Variants in CTNND2 observed in about 807,000 individuals in gnomAD.
The protein encoded by CTNND2 is catenin delta 2.
Under a neutral mutation model 144.4 loss-of-function variants are expected in CTNND2, and 22 were observed. The ratio of observed to expected loss-of-function variants is 0.15; its 90% CI spans 0.11 to 0.22. The LOEUF (loss-of-function observed/expected upper bound fraction) is 0.22. CTNND2 is among the 10% of genes least tolerant of loss of function. The probability of loss-of-function intolerance (pLI) is 1.00; values close to 1 mark genes in which losing one functional copy is unlikely to be tolerated. For missense variants in CTNND2, 1,353 were observed against 1,618.8 expected (o/e 0.84, Z 2.82); for synonymous variants, 751 against 695.6 (o/e 1.08, Z -1.25).
In CTNND2 at chr5:11,687,153, T is replaced by G. The variant is rs1345427384; in HGVS notation, c.174+44983A>C. Among the ~76,000 whole-genome samples, 3 of 152,164 alleles carry G rather than the reference T, an allele frequency of 2.0e-5. No individual in the cohort carries two copies. In the East Asian group the frequency reaches 5.8e-4, roughly 29 times the overall value. On this transcript the variant is annotated intron_variant, in intron 2 of 21. Coordinates refer to ENST00000304623, the MANE Select transcript of CTNND2 (RefSeq NM_001332.4). ...AACCTCCAAACTGGCTTCCCAAACA[T>G]ACTGATTCTCTTCAATTTATTCTTC... is the stretch of plus-strand genomic sequence containing the variant.
chr5:11,394,068 C>T (rs553364658), intron 6 of CTNND2, among the ~76,000 whole-genome samples: 3 of 152,232 alleles, frequency 2.0e-5, no homozygotes, highest in South Asian at 4.2e-4. Context: ...TCCTCTTCTC[C>T]ATGTCTTTGC....
At chr5:11,015,456 C>G (rs1485527290) in intron 18 of CTNND2, among the ~76,000 whole-genome samples, 1 of 152,216 alleles carries the variant, frequency 6.6e-6, no homozygotes, top group Non-Finnish European at 1.5e-5. Context: ...CTTCTTGAAT[C>G]TCTTCAAATG....
chr5:11,073,033 T>C (rs921184007), intron 16 of CTNND2, among the ~76,000 whole-genome samples: 1 of 152,240 alleles, frequency 6.6e-6, no homozygotes, highest in East Asian at 1.9e-4. Flanking sequence ...TCCGTAATTT[T>C]TTGAGATCCA....
At position 11,387,365 on chromosome 5, in the gene CTNND2, G is replaced by A. The variant is rs559727882; in HGVS notation, c.613-2136C>T. On this transcript the variant is annotated intron_variant, in intron 6 of 21. Coordinates refer to ENST00000304623, the MANE Select transcript of CTNND2 (RefSeq NM_001332.4). ...AACCAGTACTCTGGGTGATTATGGT[G>A]CTGGTCAAAGTTTGCCAACACTGCT... 5.9e-5 allele frequency among the ~76,000 whole-genome samples: 9 copies of A among 152,244 alleles called. No homozygotes were observed. In the South Asian group the frequency reaches 1.7e-3, roughly 28 times the overall value.
At chr5:11,047,747 G>A (rs1463729237) in intron 16 of CTNND2, among the ~76,000 whole-genome samples, 1 of 152,088 alleles carries the variant, frequency 6.6e-6, no homozygotes, top group Non-Finnish European at 1.5e-5. Flanking sequence ...ATGTCATGTC[G>A]CTAGCTCCCT....
intron 2 of CTNND2, among the ~76,000 whole-genome samples, chr5:11,664,767 A>T (rs1230447021): frequency 6.6e-6 from 1 of 152,180 alleles, no homozygotes; most frequent in Non-Finnish European, 1.5e-5. Context: ...ATGGATACTT[A>T]TCAGGGAAAG....
chr5:11,620,680 T>C (rs1246771574), intron 2 of CTNND2, among the ~76,000 whole-genome samples: 1 of 152,162 alleles, frequency 6.6e-6, no homozygotes, highest in Non-Finnish European at 1.5e-5. Flanking sequence ...GCCTGAGTTA[T>C]AATAAAACTT....
chr5:11,023,122 AT>A, intron 16 of CTNND2, 143 bp from the exon 17 acceptor site: 1 of 699,164 alleles, frequency 1.4e-6, no homozygotes, highest in East Asian at 2.7e-5. Context: ...AATGTTCCCT[AT>A]TGGGTAGTTT....
chr5:11,396,678 G>A (rs61749786), intron 6 of CTNND2, among the ~76,000 whole-genome samples: 3 of 151,748 alleles, frequency 2.0e-5, no homozygotes, highest in Non-Finnish European at 4.4e-5. Flanking sequence ...TATTTTTTCC[G>A]AGTACACTCA....
chr5:11,696,217 T>G (rs1396176144), intron 2 of CTNND2, among the ~76,000 whole-genome samples: 1 of 152,248 alleles, frequency 6.6e-6, no homozygotes, highest in African/African-American at 2.4e-5. Flanking sequence ...GGCATGAGTG[T>G]GCTGTGTTCC....
At chr5:11,773,335 A>C (rs1253092961) in intron 1 of CTNND2, among the ~76,000 whole-genome samples, 1 of 152,230 alleles carries the variant, frequency 6.6e-6, no homozygotes, top group Non-Finnish European at 1.5e-5. Flanking sequence ...AATGATGCAA[A>C]TTACTAATAA....
chr5:11,072,885 T>G (rs1748491735), intron 16 of CTNND2, among the ~76,000 whole-genome samples: 1 of 152,206 alleles, frequency 6.6e-6, no homozygotes, highest in African/African-American at 2.4e-5. Flanking sequence ...AGGCTGGCTG[T>G]CCCCTCCCTG....
At chr5:11,278,093 G>A (rs1223592595) in intron 9 of CTNND2, among the ~76,000 whole-genome samples, 1 of 152,150 alleles carries the variant, frequency 6.6e-6, no homozygotes, top group African/African-American at 2.4e-5. Context: ...CAACTAGGAT[G>A]TTCTTCTTAA....
intron 3 of CTNND2, chr5:11,508,448 G>A (rs963512053): frequency 6.6e-6 from 1 of 152,072 alleles, no homozygotes; most frequent in Non-Finnish European, 1.5e-5. Flanking sequence ...CTTCTGACAC[G>A]ATAATGCAAA....
At chr5:11,556,312 C>A (rs948897557) in intron 3 of CTNND2, among the ~76,000 whole-genome samples, 1 of 151,924 alleles carries the variant, frequency 6.6e-6, no homozygotes, top group Non-Finnish European at 1.5e-5. Context: ...AATATTTTGG[C>A]AAATTGATTA....
intron 1 of CTNND2, among the ~76,000 whole-genome samples, chr5:11,898,749 G>A (rs1265690669): frequency 6.6e-6 from 1 of 152,008 alleles, no homozygotes; most frequent in East Asian, 1.9e-4. Context: ...ATTTTGCTCT[G>A]GTAACTTATA....
At chr5:11,010,181 A>G (rs1279528252) in intron 18 of CTNND2, among the ~76,000 whole-genome samples, 1 of 152,238 alleles carries the variant, frequency 6.6e-6, no homozygotes, top group East Asian at 1.9e-4. Context: ...ATTTTCCAGC[A>G]CAGTAGGAAG....
At chr5:11,279,624 T>C (rs1746912817) in intron 9 of CTNND2, among the ~76,000 whole-genome samples, 1 of 152,202 alleles carries the variant, frequency 6.6e-6, no homozygotes, top group South Asian at 2.1e-4. Flanking sequence ...GATTAGACGA[T>C]TCATCCATTG....
chr5:11,506,878 C>T (rs2150018286), intron 3 of CTNND2, among the ~76,000 whole-genome samples: 1 of 152,320 alleles, frequency 6.6e-6, no homozygotes. Flanking sequence ...ACAGTATCTT[C>T]CCTTCTTCAC....
Sources: gnomAD v4.1 joint callset for allele counts (sites outside exome capture counted in the v4.1 genomes callset) on GRCh38, gnomAD v4.1.1 for gene constraint, MANE v1.5 for transcripts, NCBI Gene and HGNC (gene_info 2026-07-23, HGNC 2026-07-21) for gene names.